The following SSX2IP variants were observed in gnomAD, a reference collection of about 807,000 sequenced individuals.
SSX2IP encodes the protein afadin- and alpha-actinin-binding protein.
Under a neutral mutation model 84.9 loss-of-function variants are expected in SSX2IP, and 55 were observed. The ratio of observed to expected loss-of-function variants is 0.65; its 90% CI spans 0.52 to 0.81. The LOEUF (loss-of-function observed/expected upper bound fraction) is 0.81, where lower values mean the gene tolerates loss of function less well. Among genes scored for constraint, SSX2IP ranks in the 30% least tolerant of loss-of-function variants. SSX2IP has a pLI of 0.00. For missense variants in SSX2IP, 664 were observed against 705.2 expected, an observed-to-expected ratio of 0.94 and a Z score of 0.66; for synonymous variants, 239 against 234.7, an observed-to-expected ratio of 1.02 and a Z score of -0.17.
At chr1:84,672,897 C>A (rs138761242) in intron 1 of SSX2IP, among the ~76,000 whole-genome samples, 2 of 152,056 alleles carry the variant, frequency 1.3e-5, no homozygotes, top group South Asian at 4.1e-4. Context: ...TGGTGGCATG[C>A]GCCTGTAATC....
intron 11 of SSX2IP, chr1:84,655,232 C>G (rs1028665207): frequency 1.5e-6 from 1 of 688,324 alleles, no homozygotes; most frequent in Admixed American, 5.4e-5. Flanking sequence ...ACAGCAGTTA[C>G]CTCTAAGGAA....
At chr1:84,648,284 T>C (rs1649734787) in intron 13 of SSX2IP, among the ~76,000 whole-genome samples, 1 of 152,212 alleles carries the variant, frequency 6.6e-6, no homozygotes, top group Admixed American at 6.5e-5. Flanking sequence ...TAAAACTTTT[T>C]TCTGTTTGTT....
chr1:84,643,718 T>C lies in SSX2IP; in HGVS notation c.*3715A>G, dbSNP rs1036552498. ...TCCAGTAAAAAAATGTGTTGTTTCA[T>C]CAGTGTATTTCTCATCAACAAATAT... On this transcript the variant is annotated 3_prime_UTR_variant, in exon 14 of 14. Coordinates refer to ENST00000342203, the MANE Select transcript of SSX2IP (RefSeq NM_001166293.2). 16 of 152,186 alleles carry C rather than the reference T, an allele frequency of 1.1e-4. No homozygotes were observed. The highest frequency in any genetic ancestry group is 3.9e-4 in the African/African-American group (16 of 41,450). The allele number at this position is 152,186 out of a possible 1,614,324, so 9.4% of individuals were successfully genotyped here.
At chr1:84,665,055 T>C (rs1440574887) in intron 5 of SSX2IP, among the ~76,000 whole-genome samples, 1 of 152,142 alleles carries the variant, frequency 6.6e-6, no homozygotes, top group Non-Finnish European at 1.5e-5. Context: ...GTCCAAATAT[T>C]TGCTGAGTAT....
intron 1 of SSX2IP, among the ~76,000 whole-genome samples, chr1:84,674,780 TTAAC>T (rs1291329040): frequency 6.6e-6 from 1 of 152,140 alleles, no homozygotes; most frequent in Admixed American, 6.6e-5. Context: ...AACAAAAAAC[TTAAC>T]TAACAGTATA....
intron 1 of SSX2IP, among the ~76,000 whole-genome samples, chr1:84,680,573 A>G (rs1654938204): frequency 6.6e-6 from 1 of 152,180 alleles, no homozygotes; most frequent in African/African-American, 2.4e-5. Flanking sequence ...TTACTCTTGG[A>G]AAGACTTCCA....
chr1:84,652,052 C>T (rs1055623443), intron 11 of SSX2IP, 55 bp from the exon 12 acceptor site: 6 of 1,292,536 alleles, frequency 4.6e-6, no homozygotes, highest in African/African-American at 1.5e-5. Flanking sequence ...CACACAGTTG[C>T]CATTTCACAT....
At chr1:84,683,602 T>C (rs923251563) in intron 1 of SSX2IP, among the ~76,000 whole-genome samples, 6 of 152,176 alleles carry the variant, frequency 3.9e-5, no homozygotes, top group South Asian at 2.1e-4. Flanking sequence ...AGCATATTCT[T>C]TGTACCCCAC....
intron 8 of SSX2IP, among the ~76,000 whole-genome samples, chr1:84,659,589 A>G (rs1203702065): frequency 6.6e-6 from 1 of 151,948 alleles, no homozygotes; most frequent in Non-Finnish European, 1.5e-5. Context: ...CATGAGGTCA[A>G]GAGATCGAAA....
intron 1 of SSX2IP, among the ~76,000 whole-genome samples, chr1:84,673,893 T>C (rs1325546260): frequency 2.0e-5 from 3 of 152,120 alleles, no homozygotes; most frequent in Admixed American, 2.0e-4. Flanking sequence ...CTGGCAATGG[T>C]CTTTTGCCAC....
chr1:84,684,071 G>A (rs761903093), intron 1 of SSX2IP, among the ~76,000 whole-genome samples: 2 of 152,066 alleles, frequency 1.3e-5, no homozygotes, highest in East Asian at 3.8e-4. Flanking sequence ...TCTACTAAAG[G>A]CATTGGAAAT....
chr1:84,684,566 A>G (rs753736006), intron 1 of SSX2IP, among the ~76,000 whole-genome samples: 7 of 152,140 alleles, frequency 4.6e-5, no homozygotes, highest in Admixed American at 3.3e-4. Context: ...CTGAATATTC[A>G]TTTATCCTAT....
At chr1:84,687,697 TG>T (rs1377474458) in intron 1 of SSX2IP, among the ~76,000 whole-genome samples, 1 of 152,238 alleles carries the variant, frequency 6.6e-6, no homozygotes, top group African/African-American at 2.4e-5. Context: ...CTCAAATTAC[TG>T]ATTTTGGTGG....
intron 4 of SSX2IP, among the ~76,000 whole-genome samples, chr1:84,668,456 G>A (rs1273274601): frequency 6.6e-6 from 1 of 152,066 alleles, no homozygotes; most frequent in East Asian, 1.9e-4. Context: ...TATCCCTTAG[G>A]AATATAAGAT....
chr1:84,654,490 A>T (rs531283659), intron 11 of SSX2IP, among the ~76,000 whole-genome samples: 21 of 152,218 alleles, frequency 1.4e-4, no homozygotes, highest in Middle Eastern at 3.4e-3. Flanking sequence ...TGCACTATTT[A>T]TAAAAAAAAA....
In SSX2IP at chr1:84,665,976, T is replaced by C. The variant is rs928117661; in HGVS notation, c.537+146A>G. ...TTCCTGAGCTTCCAGTTAAATACTA[T>C]TACACAAAGGTCCACCATATCAATT... is the stretch of plus-strand genomic sequence containing the variant. On this transcript the variant is annotated intron_variant, in intron 5 of 13. Coordinates refer to ENST00000342203, the MANE Select transcript of SSX2IP (RefSeq NM_001166293.2). 4 of 624,188 alleles carry C rather than the reference T, an allele frequency of 6.4e-6. No homozygotes were observed. In the African/African-American group the frequency reaches 7.5e-5, roughly 12 times the overall value. The allele number at this position is 624,188 out of a possible 1,614,324, so 38.7% of individuals were successfully genotyped here.
At chr1:84,663,376 CCTG>C (rs898844591) in intron 6 of SSX2IP, among the ~76,000 whole-genome samples, 16 of 152,132 alleles carry the variant, frequency 1.1e-4, no homozygotes, top group Non-Finnish European at 1.6e-4. Flanking sequence ...AGCATTTCAT[CCTG>C]CTTTTTAATT....
intron 11 of SSX2IP, among the ~76,000 whole-genome samples, chr1:84,654,197 G>A (rs1329585758): frequency 6.6e-6 from 1 of 152,042 alleles, no homozygotes; most frequent in Non-Finnish European, 1.5e-5. Flanking sequence ...AGAATCTTTA[G>A]GATGAAAGGA....
At chr1:84,650,768 G>A (rs976198869) in intron 12 of SSX2IP, among the ~76,000 whole-genome samples, 3 of 151,486 alleles carry the variant, frequency 2.0e-5, no homozygotes, top group Non-Finnish European at 4.4e-5. Flanking sequence ...GCAGTGATGC[G>A]ATCTTGCCTC....
Sources: allele counts gnomAD v4.1 joint callset (sites outside exome capture counted in the v4.1 genomes callset), GRCh38; gene constraint gnomAD v4.1.1; transcripts MANE v1.5; gene names NCBI Gene and HGNC (gene_info 2026-07-23, HGNC 2026-07-21).